The following GMDS variants were observed in gnomAD, a reference collection of about 807,000 sequenced individuals.
GMDS encodes the protein GDP-mannose 4,6-dehydratase.
In GMDS, 20 loss-of-function variants were observed where a neutral mutation model predicts 49.9. The observed-to-expected ratio is 0.40, with a 90% CI of 0.28 to 0.58. The LOEUF (loss-of-function observed/expected upper bound fraction) is 0.58. Ranked by LOEUF, GMDS falls within the 20% of genes least tolerant of loss-of-function variation. The pLI is 0.42. For missense variants in GMDS, 362 were observed against 481.4 expected (o/e 0.75, Z 2.32); for synonymous variants, 177 against 178.6 (o/e 0.99, Z 0.07).
chr6:2,064,544 C>T (rs1771414500), intron 4 of GMDS, among the ~76,000 whole-genome samples: 1 of 152,032 alleles, frequency 6.6e-6, no homozygotes, highest in South Asian at 2.1e-4. Context: ...CCTGTTTTTT[C>T]CCCCACCTAG....
intron 1 of GMDS, among the ~76,000 whole-genome samples, chr6:2,227,120 A>G (rs983049235): frequency 2.6e-5 from 4 of 151,982 alleles, no homozygotes; most frequent in East Asian, 1.9e-4. Context: ...TATACTTCCA[A>G]TTTTTCAATA....
At chr6:2,113,234 C>G (rs1562066430) in intron 4 of GMDS, among the ~76,000 whole-genome samples, 1 of 152,120 alleles carries the variant, frequency 6.6e-6, no homozygotes, top group Non-Finnish European at 1.5e-5. Context: ...TCTCTAGTGA[C>G]CACATCAGTG....
chr6:1,643,058 T>G (rs1264902570), intron 9 of GMDS, among the ~76,000 whole-genome samples: 1 of 152,170 alleles, frequency 6.6e-6, no homozygotes, highest in African/African-American at 2.4e-5. Context: ...CATACTTCCT[T>G]TTATTTTCTT....
At chr6:2,045,650 G>A (rs1769962614) in intron 4 of GMDS, among the ~76,000 whole-genome samples, 1 of 152,012 alleles carries the variant, frequency 6.6e-6, no homozygotes, top group African/African-American at 2.4e-5. Context: ...AGGGTTGCAT[G>A]GTGACAGTGG....
chr6:1,755,658 G>T (rs1279972520), intron 7 of GMDS, among the ~76,000 whole-genome samples: 3 of 151,868 alleles, frequency 2.0e-5, no homozygotes, highest in African/African-American at 7.2e-5. Flanking sequence ...AACAGCAATG[G>T]GGAAAGGATT....
chr6:2,210,443 T>A (rs1475190943), intron 1 of GMDS, among the ~76,000 whole-genome samples: 2 of 152,252 alleles, frequency 1.3e-5, no homozygotes, highest in Non-Finnish European at 1.5e-5. Context: ...AAATCCCCAA[T>A]GTGCTTACCC....
intron 4 of GMDS, among the ~76,000 whole-genome samples, chr6:2,110,282 T>G (rs1404369914): frequency 7.6e-6 from 1 of 131,630 alleles, no homozygotes; most frequent in Non-Finnish European, 1.6e-5. Flanking sequence ...TCAGGCTTCC[T>G]GGGGACGAAT....
At position 1,911,402 on chromosome 6, in the gene GMDS, C is replaced by T. The variant is rs373227070; in HGVS notation, c.771+18701G>A. Among the ~76,000 whole-genome samples, 4 of 152,122 alleles carry T rather than the reference C, an allele frequency of 2.6e-5. 1 individual carries two copies. The South Asian group carries it at 6.2e-4, about 24-fold the overall frequency. ...CTGGGTTTGGGGAATGTTTCCCATC[C>T]CAAAATAAATTTTTAAGCACAAAGA... On this transcript the variant is annotated intron_variant, in intron 7 of 10. Coordinates refer to ENST00000380815, the MANE Select transcript of GMDS (RefSeq NM_001500.4).
intron 7 of GMDS, 79 bp downstream of exon 7, chr6:1,930,024 C>T: frequency 3.0e-6 from 4 of 1,322,434 alleles, no homozygotes; most frequent in Non-Finnish European, 4.3e-6. Flanking sequence ...CTCTAGGTCA[C>T]ACTTTTTCAC....
chr6:1,632,567 T>C (rs1329018210), intron 9 of GMDS, among the ~76,000 whole-genome samples: 1 of 152,216 alleles, frequency 6.6e-6, no homozygotes, highest in Non-Finnish European at 1.5e-5. Context: ...TTTCACAGTA[T>C]ATAGATTTTA....
chr6:1,861,199 T>C (rs934040396), intron 7 of GMDS, among the ~76,000 whole-genome samples: 2 of 152,144 alleles, frequency 1.3e-5, no homozygotes, highest in Admixed American at 6.5e-5. Flanking sequence ...CCTCAGTGAA[T>C]GAAGGAGCAG....
At chr6:2,086,765 C>T (rs531676755) in intron 4 of GMDS, among the ~76,000 whole-genome samples, 12 of 152,316 alleles carry the variant, frequency 7.9e-5, no homozygotes, top group East Asian at 7.7e-4. Context: ...GTATGCCTTT[C>T]CAGGCCCTTT....
intron 1 of GMDS, among the ~76,000 whole-genome samples, chr6:2,231,320 G>C (rs1465682971): frequency 6.6e-6 from 1 of 152,094 alleles, no homozygotes; most frequent in African/African-American, 2.4e-5. Context: ...CAGTTTAGGA[G>C]GCCTGAGGTG....
Position 2,084,896 on chromosome 6 carries a change from C to T in GMDS, c.345+30875G>A, listed in dbSNP as rs574053492. Among the ~76,000 whole-genome samples, 67 of 152,316 alleles carry T rather than the reference C, an allele frequency of 4.4e-4. 1 individual carries two copies. The highest frequency in any genetic ancestry group is 1.5e-3 in the African/African-American group (64 of 41,568). ...AACCAGAGAGGACTATCCCCTTCAT[C>T]AGAAACTTTCTGACACTATTAAAGT... On this transcript the variant is annotated intron_variant, in intron 4 of 10. Coordinates refer to ENST00000380815, the MANE Select transcript of GMDS (RefSeq NM_001500.4).
At chr6:1,922,264 A>T (rs1761751963) in intron 7 of GMDS, among the ~76,000 whole-genome samples, 1 of 152,232 alleles carries the variant, frequency 6.6e-6, no homozygotes, top group South Asian at 2.1e-4. Context: ...GACCACTGTC[A>T]CTTTATGAGA....
At position 1,624,041 on chromosome 6, in the gene GMDS, G is replaced by T. The variant is rs540166962; in HGVS notation, c.*128C>A. Reference sequence around the variant, plus strand: ...CGGCCCCGCTCTTGCGGCCGGGACAGCGCAGCGGCAGCAGGGGCCGCAGGG... The same window carrying T: ...CGGCCCCGCTCTTGCGGCCGGGACATCGCAGCGGCAGCAGGGGCCGCAGGG... On this transcript the variant is annotated 3_prime_UTR_variant, in exon 11 of 11. Transcript: ENST00000380815. The T allele has an allele frequency of 1.5e-5, 12 of 788,702 alleles. No individual in the cohort carries two copies. In the East Asian group the frequency reaches 2.9e-4, roughly 19 times the overall value. The allele number at this position is 788,702 out of a possible 1,614,324, so 48.9% of individuals were successfully genotyped here. A position where few individuals can be genotyped will look rare whatever the true frequency, so the allele number is the denominator to read the frequency against.
At chr6:1,787,436 T>C (rs1769368463) in intron 7 of GMDS, among the ~76,000 whole-genome samples, 1 of 152,204 alleles carries the variant, frequency 6.6e-6, no homozygotes, top group Non-Finnish European at 1.5e-5. Flanking sequence ...AGAGGCCCCA[T>C]TCACTATCGG....
At chr6:1,639,399 G>A (rs989841355) in intron 9 of GMDS, among the ~76,000 whole-genome samples, 1 of 152,226 alleles carries the variant, frequency 6.6e-6, no homozygotes, top group South Asian at 2.1e-4. Flanking sequence ...GGAACGAGCA[G>A]AAGGTAGGGA....
chr6:2,171,339 T>C (rs1777996942), intron 1 of GMDS, among the ~76,000 whole-genome samples: 1 of 152,224 alleles, frequency 6.6e-6, no homozygotes, highest in East Asian at 1.9e-4. Context: ...GCCCATTCGG[T>C]CTGCTATAAC....
Sources: gnomAD v4.1 joint callset for allele counts (sites outside exome capture counted in the v4.1 genomes callset) on GRCh38, gnomAD v4.1.1 for gene constraint, MANE v1.5 for transcripts, NCBI Gene and HGNC (gene_info 2026-07-23, HGNC 2026-07-21) for gene names.